The following BLTP1 variants were observed in gnomAD, a reference collection of about 807,000 sequenced individuals.
BLTP1 encodes fragile site-associated protein.
chr4:122,194,283 T>G, the BLTP1 span, among the ~76,000 whole-genome samples: 1 of 152,206 alleles, frequency 6.6e-6, no homozygotes, highest in African/African-American at 2.4e-5. Context: ...CTAACAATTA[T>G]ATGGTAAATG....
At chr4:122,327,921 T>C in the BLTP1 span, 2 of 353,748 alleles carry the variant, frequency 5.7e-6, no homozygotes. Flanking sequence ...TAACTTTCTG[T>C]GGTTGGCCCT....
chr4:122,320,668 G>A, the BLTP1 span, among the ~76,000 whole-genome samples: 1 of 151,940 alleles, frequency 6.6e-6, no homozygotes, highest in Non-Finnish European at 1.5e-5. Flanking sequence ...TAATCTATGT[G>A]TCTTTAAATA....
the BLTP1 span, chr4:122,331,027 A>G: frequency 1.0e-6 from 1 of 960,554 alleles, no homozygotes; most frequent in Non-Finnish European, 1.2e-6. Context: ...TAAATGTTAT[A>G]ATTTGAGAAA....
At chr4:122,253,226 C>A in the BLTP1 span, among the ~76,000 whole-genome samples, 1 of 152,070 alleles carries the variant, frequency 6.6e-6, no homozygotes, top group African/African-American at 2.4e-5. Flanking sequence ...CAATAAACAC[C>A]TAACTCTTCA....
the BLTP1 span, chr4:122,152,415 TGGGCGGCGGCCCC>T: frequency 2.2e-4 from 219 of 985,790 alleles, no homozygotes; most frequent in Non-Finnish European, 2.5e-4. Context: ...GGTCTGGACC[TGGGCGGCGGCCCC>T]GGGCGGCGGG....
chr4:122,272,480 C>G, the BLTP1 span: 61 of 1,261,978 alleles, frequency 4.8e-5, no homozygotes, highest in Middle Eastern at 2.0e-4. Context: ...AAACCACTGC[C>G]ATGTCTCCAA....
At chr4:122,188,233 C>A in the BLTP1 span, 3 of 1,032,116 alleles carry the variant, frequency 2.9e-6, no homozygotes, top group East Asian at 6.6e-5. Context: ...ACAATGTAGT[C>A]CTTCTTTATA....
chr4:122,155,298 G>T, the BLTP1 span, among the ~76,000 whole-genome samples: 1 of 151,626 alleles, frequency 6.6e-6, no homozygotes, highest in Non-Finnish European at 1.5e-5. Flanking sequence ...TATGAATGCT[G>T]CATTAATGTA....
the BLTP1 span, chr4:122,167,725 T>C: frequency 1.0e-6 from 1 of 985,282 alleles, no homozygotes; most frequent in East Asian, 1.1e-4. Flanking sequence ...ATTGGATACT[T>C]AATTTATTCA....
the BLTP1 span, chr4:122,243,891 A>G: frequency 6.2e-7 from 1 of 1,604,408 alleles, no homozygotes; most frequent in Non-Finnish European, 8.5e-7. Context: ...ACTCGCTGAT[A>G]ACACAGATGA....
the BLTP1 span, chr4:122,288,904 A>G: frequency 3.1e-5 from 11 of 349,482 alleles, no homozygotes; most frequent in Middle Eastern, 2.9e-3. Flanking sequence ...GGAGTGTACT[A>G]TAATAGTTTC....
chr4:122,159,475 A>C, the BLTP1 span, among the ~76,000 whole-genome samples: 1 of 150,888 alleles, frequency 6.6e-6, no homozygotes, highest in African/African-American at 2.4e-5. Context: ...AAAAAAAAAA[A>C]GTTTTTATTT....
At chr4:122,267,577 T>G in the BLTP1 span, 4 of 921,230 alleles carry the variant, frequency 4.3e-6, no homozygotes, top group African/African-American at 7.1e-5. Flanking sequence ...GGAATTTTTA[T>G]GATCTTAAGG....
the BLTP1 span, chr4:122,220,291 G>A: frequency 6.3e-7 from 1 of 1,588,456 alleles, no homozygotes. Context: ...CTTACTTTTT[G>A]CCTTTTCTGC....
the BLTP1 span, chr4:122,277,114 AT>A: frequency 2.1e-6 from 2 of 972,160 alleles, no homozygotes; most frequent in Non-Finnish European, 2.4e-6. Flanking sequence ...AGGTGGGAGG[AT>A]TGCTTGAGGC....
chr4:122,291,637 A>C, the BLTP1 span: 1 of 661,196 alleles, frequency 1.5e-6, no homozygotes, highest in African/African-American at 2.0e-5. Context: ...TTTCAGAAAG[A>C]TGTAAGTAAG....
the BLTP1 span, chr4:122,162,556 G>A: frequency 1.0e-6 from 1 of 985,374 alleles, no homozygotes; most frequent in South Asian, 4.7e-5. Context: ...TGCTGAGATG[G>A]GGTGGAGTTG....
chr4:122,196,798 A>G, the BLTP1 span: 4 of 1,450,512 alleles, frequency 2.8e-6, no homozygotes, highest in Non-Finnish European at 3.8e-6. Context: ...TAGGGTAATT[A>G]TTATAATAAT....
chr4:122,302,510 T>C, the BLTP1 span, among the ~76,000 whole-genome samples: 1 of 152,210 alleles, frequency 6.6e-6, no homozygotes, highest in Non-Finnish European at 1.5e-5. Context: ...GCGGGAATTG[T>C]TTAGGGGCGC....
Sources: allele counts gnomAD v4.1 joint callset (sites outside exome capture counted in the v4.1 genomes callset), GRCh38; gene constraint gnomAD v4.1.1; transcripts MANE v1.5; gene names NCBI Gene and HGNC (gene_info 2026-07-23, HGNC 2026-07-21).